CTNNA2: variants seen among roughly 807,000 people sequenced by gnomAD.
CTNNA2 encodes catenin alpha-2.
Under a neutral mutation model 101.0 loss-of-function variants are expected in CTNNA2, and 42 were observed. The ratio of observed to expected loss-of-function variants is 0.42; its 90% CI spans 0.32 to 0.54. The LOEUF is 0.54. Among genes scored for constraint, CTNNA2 ranks in the 20% least tolerant of loss-of-function variants. The pLI is 0.14. For missense variants in CTNNA2, 871 were observed against 1,223.1 expected, an observed-to-expected ratio of 0.71 and a Z score of 4.29; for synonymous variants, 450 against 456.4, an observed-to-expected ratio of 0.99 and a Z score of 0.18.
At chr2:80,493,447 A>C (rs575490784) in intron 9 of CTNNA2, among the ~76,000 whole-genome samples, 3 of 152,314 alleles carry the variant, frequency 2.0e-5, no homozygotes, top group Non-Finnish European at 4.4e-5. Context: ...AGGCATGTGT[A>C]GTCCTGGAAG....
intron 3 of CTNNA2, among the ~76,000 whole-genome samples, chr2:79,766,740 TCTGA>T (rs1573914928): frequency 6.6e-6 from 1 of 151,520 alleles, no homozygotes; most frequent in Non-Finnish European, 1.5e-5. Flanking sequence ...TTTTGTCTTC[TCTGA>T]CTGTGTATTT....
chr2:80,640,092 A>C (rs1199861076), intron 18 of CTNNA2, among the ~76,000 whole-genome samples: 1 of 152,132 alleles, frequency 6.6e-6, no homozygotes, highest in Non-Finnish European at 1.5e-5. Flanking sequence ...ACAGCGAGAT[A>C]ACATCTCAAA....
intron 7 of CTNNA2, among the ~76,000 whole-genome samples, chr2:80,317,522 C>G (rs1678241771): frequency 1.3e-5 from 2 of 152,130 alleles, no homozygotes; most frequent in Non-Finnish European, 2.9e-5. Context: ...TACCAATCAA[C>G]TTTTTAACTC....
chr2:80,143,472 C>A (rs1018875657), intron 7 of CTNNA2, among the ~76,000 whole-genome samples: 2 of 152,052 alleles, frequency 1.3e-5, no homozygotes, highest in African/African-American at 4.8e-5. Flanking sequence ...TATTTTGAAA[C>A]AGGCAGTACA....
intron 1 of CTNNA2, among the ~76,000 whole-genome samples, chr2:79,636,452 G>A (rs1680075401): frequency 6.6e-6 from 1 of 152,002 alleles, no homozygotes; most frequent in East Asian, 1.9e-4. Context: ...TAGAAGAAGA[G>A]GGTACAAAGA....
At chr2:79,977,968 C>T (rs977255393) in intron 7 of CTNNA2, among the ~76,000 whole-genome samples, 6 of 152,138 alleles carry the variant, frequency 3.9e-5, no homozygotes, top group Non-Finnish European at 7.4e-5. Context: ...AATGCAGGGA[C>T]TCTCCAGCTG....
intron 5 of CTNNA2, among the ~76,000 whole-genome samples, chr2:79,508,009 T>C (rs192148768): frequency 2.4e-4 from 36 of 152,318 alleles, no homozygotes; most frequent in African/African-American, 8.4e-4. Flanking sequence ...TGCAGTATAC[T>C]TACTTTCCCA....
intron 1 of CTNNA2, among the ~76,000 whole-genome samples, chr2:79,593,880 GTTTTTTTTTT>G (rs945227300): frequency 2.3e-5 from 2 of 85,440 alleles, no homozygotes; most frequent in African/African-American, 5.3e-5. Flanking sequence ...CTTTCTTTTA[GTTTTTTTTTT>G]TTTTTTTTTT....
rs145092896 is a variant in CTNNA2, at chr2:79,930,365, C to T, written c.1056+20568C>T. Reference sequence around the variant, plus strand: ...GAAAGAAAGAAAGAAAGAATGAACACGGGTTCTAGCCACCTCCTCCCTCAC... The same window carrying T: ...GAAAGAAAGAAAGAAAGAATGAACATGGGTTCTAGCCACCTCCTCCCTCAC... On this transcript the variant is annotated intron_variant, in intron 7 of 18. Coordinates refer to ENST00000402739, the MANE Select transcript of CTNNA2 (RefSeq NM_001282597.3). 3.3e-3 allele frequency among the ~76,000 whole-genome samples: 488 copies of T among 147,316 alleles called. 4 individuals are homozygous for T. Among genetic ancestry groups the T allele is most frequent in the African/African-American group, 0.011 (450 of 39,340 alleles).
At chr2:79,927,322 C>G (rs988281044) in intron 7 of CTNNA2, among the ~76,000 whole-genome samples, 2 of 152,076 alleles carry the variant, frequency 1.3e-5, no homozygotes, top group South Asian at 2.1e-4. Context: ...TGTTTGGGAA[C>G]AGCTATCCTG....
intron 2 of CTNNA2, among the ~76,000 whole-genome samples, chr2:79,711,989 A>G (rs1241080461): frequency 6.6e-6 from 1 of 152,142 alleles, no homozygotes; most frequent in Non-Finnish European, 1.5e-5. Flanking sequence ...GCTACTTTTC[A>G]CTCAGAGCTA....
chr2:80,525,711 G>A (rs2149584289), intron 9 of CTNNA2, among the ~76,000 whole-genome samples: 1 of 152,188 alleles, frequency 6.6e-6, no homozygotes, highest in East Asian at 1.9e-4. Context: ...CACTCATCAT[G>A]TCAGCTTTTC....
At chr2:80,189,892 T>TTG (rs1374307128) in intron 7 of CTNNA2, among the ~76,000 whole-genome samples, 3 of 152,134 alleles carry the variant, frequency 2.0e-5, no homozygotes, top group Non-Finnish European at 4.4e-5. Flanking sequence ...GAGAGTTTTG[T>TTG]TGTGTGTGTG....
intron 7 of CTNNA2, among the ~76,000 whole-genome samples, chr2:80,240,111 G>A (rs894299456): frequency 5.3e-5 from 8 of 152,108 alleles, no homozygotes; most frequent in Admixed American, 2.6e-4. Flanking sequence ...TACCTCTTAG[G>A]TGGTACTCAG....
chr2:80,468,115 G>A (rs1685006269), intron 9 of CTNNA2, among the ~76,000 whole-genome samples: 1 of 152,110 alleles, frequency 6.6e-6, no homozygotes, highest in African/African-American at 2.4e-5. Flanking sequence ...AGAACCTGTG[G>A]CCTATTCTTT....
intron 7 of CTNNA2, among the ~76,000 whole-genome samples, chr2:80,146,688 C>T (rs12997174): frequency 0.59 from 78,368 of 133,330 alleles, 22,469 homozygotes; most frequent in African/African-American, 0.65. Flanking sequence ...CTATCGTTTT[C>T]TGAAGTAGGA....
rs1308471142 is a variant in CTNNA2, at chr2:79,481,425, T to A, written c.-134-23629T>A. ...TTTATTTTGAAGTCATGATCAGGTG[T>A]GCTGAGACAGAGAAGAGAGTATGGG... On this transcript the variant is annotated intron_variant, in intron 4 of 21. Coordinates refer to the CTNNA2 transcript ENST00000466387. 2.0e-5 allele frequency among the ~76,000 whole-genome samples: 3 copies of A among 152,076 alleles called. No individual in the cohort carries two copies. In the East Asian group the frequency reaches 5.8e-4, roughly 29 times the overall value.
At chr2:80,386,628 G>A (rs547078078) in intron 7 of CTNNA2, among the ~76,000 whole-genome samples, 1 of 152,254 alleles carries the variant, frequency 6.6e-6, no homozygotes, top group East Asian at 1.9e-4. Flanking sequence ...AAATGTGTTG[G>A]AGATAGAGTG....
chr2:79,935,399 A>G (rs772467898), intron 7 of CTNNA2, among the ~76,000 whole-genome samples: 5 of 151,966 alleles, frequency 3.3e-5, no homozygotes, highest in African/African-American at 4.8e-5. Flanking sequence ...TAAATTTACA[A>G]AAAGTTGCAG....
Sources: gnomAD v4.1 joint callset for allele counts (sites outside exome capture counted in the v4.1 genomes callset) on GRCh38, gnomAD v4.1.1 for gene constraint, MANE v1.5 for transcripts, NCBI Gene and HGNC (gene_info 2026-07-23, HGNC 2026-07-21) for gene names.